SLC12A2: variants seen among roughly 807,000 people sequenced by gnomAD.
The protein encoded by SLC12A2 is solute carrier family 12 member 2.
Under a neutral mutation model 136.3 loss-of-function variants are expected in SLC12A2, and 67 were observed. That is an observed-to-expected ratio of 0.49 (90% CI 0.40 to 0.60). The LOEUF (loss-of-function observed/expected upper bound fraction) is 0.60, where lower values mean the gene tolerates loss of function less well. SLC12A2 is among the 20% of genes least tolerant of loss of function. The probability of loss-of-function intolerance (pLI) is 0.00; values close to 1 mark genes in which losing one functional copy is unlikely to be tolerated. For missense variants in SLC12A2, 1,322 were observed against 1,534.7 expected (o/e 0.86, Z 2.32); for synonymous variants, 619 against 562.9 (o/e 1.10, Z -1.41).
chr5:128,158,528 G>C (rs1475925595), intron 16 of SLC12A2, among the ~76,000 whole-genome samples: 1 of 152,138 alleles, frequency 6.6e-6, no homozygotes, highest in Non-Finnish European at 1.5e-5. Context: ...GAAAGGAAGT[G>C]ATCTCATTCT....
intron 24 of SLC12A2, among the ~76,000 whole-genome samples, chr5:128,183,826 T>C (rs543902884): frequency 1.3e-5 from 2 of 152,084 alleles, no homozygotes; most frequent in African/African-American, 4.8e-5. Context: ...ATGGTAAAAT[T>C]TATTTAGGCT....
At chr5:128,161,268 T>TAATA (rs1223565540) in intron 16 of SLC12A2, among the ~76,000 whole-genome samples, 1 of 152,194 alleles carries the variant, frequency 6.6e-6, no homozygotes, top group Non-Finnish European at 1.5e-5. Context: ...AAGTTAGAAT[T>TAATA]AATAACACAG....
chr5:128,103,790 G>A (rs1760828749), intron 1 of SLC12A2, among the ~76,000 whole-genome samples: 2 of 152,234 alleles, frequency 1.3e-5, no homozygotes, highest in East Asian at 3.9e-4. Context: ...TTTAAAACCA[G>A]TATTTCAGCA....
chr5:128,182,821 A>G (rs1239350345), intron 23 of SLC12A2, 34 bp from the exon 24 acceptor site: 1 of 1,466,724 alleles, frequency 6.8e-7, no homozygotes, highest in Non-Finnish European at 9.5e-7. Flanking sequence ...GAATGAAAAT[A>G]CTTGTATCTT....
intron 18 of SLC12A2, chr5:128,169,300 G>T (rs548155572): frequency 1.3e-5 from 2 of 151,962 alleles, no homozygotes; most frequent in South Asian, 4.2e-4. Context: ...CATGAATTTT[G>T]ATCTGATCAC....
At chr5:128,126,150 G>T (rs1292415344) in intron 4 of SLC12A2, among the ~76,000 whole-genome samples, 1 of 151,854 alleles carries the variant, frequency 6.6e-6, no homozygotes, top group Non-Finnish European at 1.5e-5. Context: ...ATAAATTTTT[G>T]ACTTAGATAT....
intron 4 of SLC12A2, among the ~76,000 whole-genome samples, chr5:128,120,840 C>A (rs1201896542): frequency 1.3e-5 from 2 of 150,924 alleles, no homozygotes; most frequent in African/African-American, 4.9e-5. Context: ...GCACATGTAC[C>A]CTAAAACTTA....
chr5:128,084,227 G>A lies in SLC12A2; in HGVS notation c.273G>A (p.Gly91=), dbSNP rs1759953875. The A allele has an allele frequency of 7.8e-7, 1 of 1,276,080 alleles. No homozygotes were observed. The highest frequency in any genetic ancestry group is 9.8e-7 in the Non-Finnish European group (1 of 1,021,178). The allele number at this position is 1,276,080 out of a possible 1,614,324, so 79.0% of individuals were successfully genotyped here. The part of the protein sequence containing the change: ...FQVDLVSENA[G]RAAAAAAAAA... ...TGGACCTGGTTTCCGAGAACGCCGG[G>A]CGGGCCGCTGCTGCGGCGGCGGCGG... is the stretch of plus-strand genomic sequence containing the variant. The change falls in exon 1 of 27, where the codon GGG becomes GGA. Residue 91 remains glycine (G), a synonymous_variant. Transcript: ENST00000262461. This position sits in a 1 kb window ranked among gnomAD's most constrained non-coding sequence, Gnocchi z 5.6.
At chr5:128,148,900 T>C in intron 12 of SLC12A2, 23 bp downstream of exon 12, 3 of 1,561,516 alleles carry the variant, frequency 1.9e-6, no homozygotes, top group Non-Finnish European at 2.6e-6. Context: ...AATGGTGTGT[T>C]ATTGTAGATT....
At chr5:128,121,516 G>A (rs1761578165) in intron 4 of SLC12A2, among the ~76,000 whole-genome samples, 1 of 151,944 alleles carries the variant, frequency 6.6e-6, no homozygotes, top group Non-Finnish European at 1.5e-5. Flanking sequence ...TAGAGATGGG[G>A]TTTCATTGTG....
chr5:128,084,507 C>G lies in SLC12A2; in HGVS notation c.553C>G (p.Leu185Val). Residue 185 changes from leucine to valine, a missense_variant, in exon 1 of 27, where the codon CTG (leucine) becomes GTG (valine). Around this residue, in one of 8 missense-constraint regions of SLC12A2, gnomAD observed 358 missense variants for 299.7 expected, o/e 1.19. Transcript: ENST00000262461. The surrounding 1 kb of genome is among the most constrained non-coding windows in gnomAD (Gnocchi z 5.6). ...CACGGTGCTGAGCGAGGGCAGCAGC[C>G]TGCACTCCGGCGGCGGCGGCGGCAG... is the stretch of plus-strand genomic sequence containing the variant. The part of the protein sequence containing the change: ...GDTVLSEGSS[L>V]HSGGGGGSGH... 1 of 1,612,316 alleles carries G rather than the reference C, an allele frequency of 6.2e-7. No individual in the cohort carries two copies. The highest frequency in any genetic ancestry group is 8.5e-7 in the Non-Finnish European group (1 of 1,179,610).
intron 4 of SLC12A2, among the ~76,000 whole-genome samples, chr5:128,123,213 T>C (rs1761654098): frequency 6.6e-6 from 1 of 152,146 alleles, no homozygotes; most frequent in African/African-American, 2.4e-5. Context: ...TCATTCACAA[T>C]AAGATAACAC....
At position 128,155,754 on chromosome 5, in the gene SLC12A2, G is replaced by T. The variant is rs151059487; in HGVS notation, c.2364-2299G>T. ...CATTGGTAAGTGGAGCTTGTCAGTT[G>T]AAGTCCTTAATGTAGATTAATGTGG... On this transcript the variant is annotated intron_variant, in intron 15 of 26. Transcript: ENST00000262461. Among the ~76,000 whole-genome samples, 352 of 152,290 alleles carry T rather than the reference G, an allele frequency of 2.3e-3. 2 individuals are homozygous for T. Among genetic ancestry groups the T allele is most frequent in the Non-Finnish European group, 4.4e-3 (301 of 68,026 alleles).
At chr5:128,184,932 A>G (rs915296895) in intron 26 of SLC12A2, 76 bp downstream of exon 26, 5 of 1,260,986 alleles carry the variant, frequency 4.0e-6, no homozygotes, top group East Asian at 2.3e-5. Flanking sequence ...TTCCAAGTAC[A>G]TATCTATATA....
intron 23 of SLC12A2, 25 bp downstream of exon 23, chr5:128,181,019 C>T (rs752193606): frequency 7.5e-7 from 1 of 1,327,480 alleles, no homozygotes; most frequent in South Asian, 1.2e-5. Context: ...CATTGAAGGG[C>T]ATGAATCTAT....
chr5:128,087,948 T>A (rs1760160283), intron 1 of SLC12A2, among the ~76,000 whole-genome samples: 1 of 150,946 alleles, frequency 6.6e-6, no homozygotes, highest in South Asian at 2.1e-4. Context: ...TTGAGGCTAT[T>A]CTGTTTCAGT....
chr5:128,084,397 C>T lies in SLC12A2; in HGVS notation c.443C>T (p.Ala148Val). ...RFRVNFVDPAASSSAEDSLSD... is the reference protein window; with the variant it reads ...RFRVNFVDPAVSSSAEDSLSD... ...CGCGTGAACTTCGTGGACCCAGCTG[C>T]CTCCTCGTCGGCTGAAGACAGCCTG... Residue 148 changes from alanine (A) to valine (V), a missense_variant, in exon 1 of 27, where the codon GCC becomes GTC. Physicochemically the swap from Ala to Val is moderately conservative, Grantham distance 64 (BLOSUM62 0). This residue lies in a region of SLC12A2 where 358 missense variants were observed against 299.7 expected (regional missense o/e 1.19). Coordinates refer to ENST00000262461, the MANE Select transcript of SLC12A2 (RefSeq NM_001046.3). The surrounding 1 kb of genome is among the most constrained non-coding windows in gnomAD (Gnocchi z 5.6). 3.1e-6 allele frequency: 5 copies of T among 1,610,274 alleles called. No individual in the cohort carries two copies. Among genetic ancestry groups the T allele is most frequent in the Non-Finnish European group, 4.2e-6 (5 of 1,178,742 alleles).
In SLC12A2 at chr5:128,094,675, A is replaced by G. The variant is rs547602141; in HGVS notation, c.756+9965A>G. On this transcript the variant is annotated intron_variant, in intron 1 of 26. Coordinates refer to ENST00000262461, the MANE Select transcript of SLC12A2 (RefSeq NM_001046.3). ...CTTCCTAGTAGAAAAATGTTCAAAAAATTAAGAATAAGAAAGTTTCTTATA... is the reference window on the plus strand; with the variant it reads ...CTTCCTAGTAGAAAAATGTTCAAAAGATTAAGAATAAGAAAGTTTCTTATA... 2.0e-3 allele frequency among the ~76,000 whole-genome samples: 301 copies of G among 152,208 alleles called. 1 individual carries two copies. The highest frequency in any genetic ancestry group is 3.4e-3 in the Middle Eastern group (1 of 294).
Position 128,182,613 on chromosome 5 carries a change from C to T in SLC12A2, c.3213-242C>T, listed in dbSNP as rs10463838. Among the ~76,000 whole-genome samples the T allele has an allele frequency of 0.29, 44,633 of 151,892 alleles. 7,431 individuals are homozygous for T. The highest frequency in any genetic ancestry group is 0.45 in the African/African-American group (18,799 of 41,436). On this transcript the variant is annotated intron_variant, in intron 23 of 26. Transcript: ENST00000262461. ...TAAATTTTATTATTAATGTCTTTGTCCATTACTCAGTGCTAAGGAGAGATT... is the reference window on the plus strand; with the variant it reads ...TAAATTTTATTATTAATGTCTTTGTTCATTACTCAGTGCTAAGGAGAGATT...
Sources: allele counts gnomAD v4.1 joint callset (sites outside exome capture counted in the v4.1 genomes callset), GRCh38; gene constraint gnomAD v4.1.1; regional missense constraint gnomAD v4.1.1; non-coding constraint Gnocchi (gnomAD v3.1); transcripts MANE v1.5; gene names NCBI Gene and HGNC (gene_info 2026-07-23, HGNC 2026-07-21).